Variants in RALGPS2 observed in about 807,000 individuals in gnomAD.
RALGPS2 encodes the protein ras-specific guanine nucleotide-releasing factor RalGPS2.
Under a neutral mutation model 86.8 loss-of-function variants are expected in RALGPS2, and 43 were observed. That is an observed-to-expected ratio of 0.50 (90% CI 0.39 to 0.64). RALGPS2 has a LOEUF of 0.64. RALGPS2 is among the 30% of genes least tolerant of loss of function. RALGPS2 has a pLI of 0.00. For synonymous variants in RALGPS2, 243 were observed against 231.3 expected, an observed-to-expected ratio of 1.05 and a Z score of -0.46; for missense variants, 536 against 694.6, an observed-to-expected ratio of 0.77 and a Z score of 2.57.
At chr1:178,744,132 AAC>A (rs1302708728) in intron 1 of RALGPS2, among the ~76,000 whole-genome samples, 1 of 152,270 alleles carries the variant, frequency 6.6e-6, no homozygotes, top group Non-Finnish European at 1.5e-5. Flanking sequence ...AATTGAATGT[AAC>A]AGTTTATTAA....
chr1:178,892,397 C>A, intron 15 of RALGPS2, 90 bp downstream of exon 15: 1 of 1,023,876 alleles, frequency 9.8e-7, no homozygotes, highest in South Asian at 1.6e-5. Context: ...TATTTCTTTT[C>A]TTTCTCAACT....
intron 16 of RALGPS2, chr1:178,894,313 C>T: frequency 5.1e-6 from 1 of 197,438 alleles, no homozygotes; most frequent in Non-Finnish European, 1.0e-5. Context: ...AGCACTTAAG[C>T]CCACACAGTA....
At chr1:178,731,630 A>T (rs1300761043) in intron 1 of RALGPS2, among the ~76,000 whole-genome samples, 1 of 151,996 alleles carries the variant, frequency 6.6e-6, no homozygotes, top group Non-Finnish European at 1.5e-5. Context: ...TGCCATTCAA[A>T]ATCTTCATCC....
chr1:178,748,843 T>A (rs919326235), intron 1 of RALGPS2, among the ~76,000 whole-genome samples: 1 of 137,082 alleles, frequency 7.3e-6, no homozygotes. Context: ...AGAGTGAGAC[T>A]CTGTCTCAAA....
At chr1:178,875,050 A>G (rs1247692772) in intron 8 of RALGPS2, among the ~76,000 whole-genome samples, 1 of 152,198 alleles carries the variant, frequency 6.6e-6, no homozygotes, top group Non-Finnish European at 1.5e-5. Flanking sequence ...CATATATGCA[A>G]TCAGGAACGC....
chr1:178,768,335 T>C lies in RALGPS2; in HGVS notation c.-83-8347T>C, dbSNP rs759983873. Among the ~76,000 whole-genome samples the C allele has an allele frequency of 3.4e-4, 52 of 152,238 alleles. 1 individual carries two copies. The highest frequency in any genetic ancestry group is 4.8e-4 in the Non-Finnish European group (33 of 68,050). ...ACTTCAATTTTTGTAATTATTTTTGTGCAGGTAGAATTTTTTCCTTCTTTT... is the reference window on the plus strand; with the variant it reads ...ACTTCAATTTTTGTAATTATTTTTGCGCAGGTAGAATTTTTTCCTTCTTTT... On this transcript the variant is annotated intron_variant, in intron 1 of 19. Transcript: ENST00000367635.
intron 17 of RALGPS2, among the ~76,000 whole-genome samples, chr1:178,900,980 A>T (rs896107306): frequency 7.2e-5 from 11 of 152,088 alleles, no homozygotes; most frequent in African/African-American, 2.7e-4. Context: ...CATAGTATTC[A>T]TGTCGAAGTA....
At chr1:178,738,000 A>C (rs958176383) in intron 1 of RALGPS2, among the ~76,000 whole-genome samples, 1 of 151,610 alleles carries the variant, frequency 6.6e-6, no homozygotes, top group Admixed American at 6.6e-5. Flanking sequence ...GGCTTGTTTC[A>C]AACTCCTGGG....
chr1:178,748,554 A>C (rs1651470333), intron 1 of RALGPS2, among the ~76,000 whole-genome samples: 1 of 152,048 alleles, frequency 6.6e-6, no homozygotes, highest in African/African-American at 2.4e-5. Context: ...TATGCAGAGC[A>C]AAAGAAGGCA....
rs75025965 is a variant in RALGPS2 at position 178,817,453 on chromosome 1, G to A, written c.388-4159G>A. Among the ~76,000 whole-genome samples, 6 of 150,686 alleles carry A rather than the reference G, an allele frequency of 4.0e-5. No homozygotes were observed. The East Asian group carries it at 9.7e-4, about 24-fold the overall frequency. ...GGTTGAAAATCACTTGATCAAATAC[G>A]TGTAGGTATATTTCTGTTCCTTTGA... On this transcript the variant is annotated intron_variant, in intron 6 of 19. Coordinates refer to ENST00000367635, the MANE Select transcript of RALGPS2 (RefSeq NM_152663.5).
rs1650778470 is a variant in RALGPS2 at position 178,737,493 on chromosome 1, G to T, written c.-84+12074G>T. On this transcript the variant is annotated intron_variant, in intron 1 of 19. Transcript: ENST00000367635. ...GAACTCCTGACCTCGTGATCCACCT[G>T]CCTCGGCTTCCCAAAGTGCTGGGAT... is the stretch of plus-strand genomic sequence containing the variant. 2.0e-5 allele frequency among the ~76,000 whole-genome samples: 3 copies of T among 152,070 alleles called. No individual in the cohort carries two copies. The South Asian group carries it at 6.2e-4, about 31-fold the overall frequency.
intron 1 of RALGPS2, among the ~76,000 whole-genome samples, chr1:178,731,914 A>G (rs902980932): frequency 1.3e-5 from 2 of 152,104 alleles, no homozygotes; most frequent in African/African-American, 4.8e-5. Flanking sequence ...AGTGAAATCA[A>G]GCATAAGCAG....
intron 6 of RALGPS2, among the ~76,000 whole-genome samples, chr1:178,819,957 C>T (rs1183079715): frequency 2.6e-5 from 4 of 152,098 alleles, no homozygotes; most frequent in Non-Finnish European, 5.9e-5. Flanking sequence ...CATTTGGGGC[C>T]AGATATATTT....
chr1:178,731,273 T>G (rs964178562), intron 1 of RALGPS2, among the ~76,000 whole-genome samples: 3 of 13,230 alleles, frequency 2.3e-4, no homozygotes, highest in Non-Finnish European at 4.7e-4. Flanking sequence ...GTTGTTTTGG[T>G]TTTTTTTTTT....
rs530113284 is a variant in RALGPS2 at position 178,794,157 on chromosome 1, C to T, written c.213+8550C>T. On this transcript the variant is annotated intron_variant, in intron 4 of 19. Transcript: ENST00000367635. Reference sequence around the variant, plus strand: ...TTTGAGACATGATCTCACACTGTTGCCCAGGCTGGGGAGCAGTGATGTGAT... The same window carrying T: ...TTTGAGACATGATCTCACACTGTTGTCCAGGCTGGGGAGCAGTGATGTGAT... 1.4e-4 allele frequency among the ~76,000 whole-genome samples: 21 copies of T among 152,264 alleles called. No homozygotes were observed. The East Asian group carries it at 4.0e-3, about 29-fold the overall frequency.
chr1:178,787,804 C>G (rs570001660), intron 4 of RALGPS2, among the ~76,000 whole-genome samples: 4 of 152,270 alleles, frequency 2.6e-5, no homozygotes, highest in African/African-American at 9.6e-5. Flanking sequence ...AAAATACTGT[C>G]TTCTCTCAAG....
At chr1:178,870,448 C>T (rs1192260388) in intron 8 of RALGPS2, among the ~76,000 whole-genome samples, 1 of 152,108 alleles carries the variant, frequency 6.6e-6, no homozygotes, top group Admixed American at 6.5e-5. Context: ...AAATTTCTTT[C>T]TACTGTCACT....
In RALGPS2 at chr1:178,867,926, A is replaced by G. The variant is rs958286470; in HGVS notation, c.608-9572A>G. 2.0e-5 allele frequency among the ~76,000 whole-genome samples: 3 copies of G among 152,014 alleles called. No homozygotes were observed. In the East Asian group the frequency reaches 5.8e-4, roughly 29 times the overall value. On this transcript the variant is annotated intron_variant, in intron 8 of 19. Coordinates refer to ENST00000367635, the MANE Select transcript of RALGPS2 (RefSeq NM_152663.5). ...CATGTTCCTTTTTTGGTATTTTTCAATTGAATAGTGTCTTCAAAATGGGTA... is the reference window on the plus strand; with the variant it reads ...CATGTTCCTTTTTTGGTATTTTTCAGTTGAATAGTGTCTTCAAAATGGGTA...
chr1:178,781,313 A>G (rs775280666), intron 2 of RALGPS2, among the ~76,000 whole-genome samples: 24 of 152,188 alleles, frequency 1.6e-4, no homozygotes, highest in Admixed American at 5.2e-4. Flanking sequence ...GTCTAGTAAC[A>G]TCAAAGTACA....
Sources: allele counts gnomAD v4.1 joint callset (sites outside exome capture counted in the v4.1 genomes callset), GRCh38; gene constraint gnomAD v4.1.1; transcripts MANE v1.5; gene names NCBI Gene and HGNC (gene_info 2026-07-23, HGNC 2026-07-21).